MBTD1: variants seen among roughly 807,000 people sequenced by gnomAD.
The protein encoded by MBTD1 is mbt domain containing 1, also known as MBT domain-containing protein 1.
MBTD1 carries 24 observed loss-of-function variants against 87.8 expected under a neutral mutation model. That is an observed-to-expected ratio of 0.27 (90% confidence interval 0.20 to 0.38). The LOEUF (loss-of-function observed/expected upper bound fraction) is 0.38. Ranked by LOEUF, MBTD1 falls within the 10% of genes least tolerant of loss-of-function variation. The pLI is 1.00. For missense variants in MBTD1, 436 were observed against 760.2 expected (o/e 0.57, Z 5.02); for synonymous variants, 237 against 248.6 (o/e 0.95, Z 0.44).
At chr17:51,188,130 T>G (rs2050631445) in intron 16 of MBTD1, among the ~76,000 whole-genome samples, 3 of 152,146 alleles carry the variant, frequency 2.0e-5, no homozygotes, top group Non-Finnish European at 2.9e-5. Context: ...TACCACATAC[T>G]CACAGATAAA....
chr17:51,260,549 C>G (rs749591824), upstream of MBTD1: 1 of 1,589,250 alleles, frequency 6.3e-7, no homozygotes, highest in African/African-American at 1.4e-5. Context: ...CAGCGAGGTT[C>G]CACGTGAGCG....
intron 16 of MBTD1, chr17:51,191,834 GC>G: frequency 5.3e-6 from 1 of 187,132 alleles, no homozygotes; most frequent in South Asian, 9.6e-5. Context: ...GCCAGCCTCG[GC>G]CTCCTAAAGT....
intron 2 of MBTD1, among the ~76,000 whole-genome samples, chr17:51,246,564 A>G (rs1302693112): frequency 6.6e-6 from 1 of 152,084 alleles, no homozygotes; most frequent in East Asian, 1.9e-4. Flanking sequence ...TTTGTCACTG[A>G]TTTTTCTAAG....
In MBTD1 at chr17:51,259,882, G is replaced by A; in HGVS notation, c.-160C>T. The A allele has an allele frequency of 2.4e-6, 3 of 1,231,994 alleles. No individual in the cohort carries two copies. Among genetic ancestry groups the A allele is most frequent in the Middle Eastern group, 3.1e-4 (1 of 3,210 alleles). The allele number at this position is 1,231,994 out of a possible 1,614,324, so 76.3% of individuals were successfully genotyped here. A position where few individuals can be genotyped will look rare whatever the true frequency, so the allele number is the denominator to read the frequency against. On this transcript the variant is annotated 5_prime_UTR_variant, in exon 1 of 17. In the 5' UTR this introduces an upstream ATG that the reference lacks. Transcript: ENST00000586178. ...AGGGCCTCATGGGTAGGGGTTGTCC[G>A]TGCTCCCCGAGCCCGCGGCGCCCCC...
intron 6 of MBTD1, among the ~76,000 whole-genome samples, chr17:51,212,996 G>A (rs2052342110): frequency 6.6e-6 from 1 of 152,110 alleles, no homozygotes; most frequent in Non-Finnish European, 1.5e-5. Flanking sequence ...CCAAAGTGCT[G>A]GGATTACAGG....
chr17:51,225,315 A>G, intron 2 of MBTD1, 106 bp from the exon 3 acceptor site: 1 of 508,260 alleles, frequency 2.0e-6, no homozygotes. Context: ...ATGAAAACGC[A>G]GCCCTGAGAA....
chr17:51,193,301 T>C, intron 14 of MBTD1, 127 bp downstream of exon 14: 2 of 648,890 alleles, frequency 3.1e-6, no homozygotes, highest in African/African-American at 3.7e-5. Flanking sequence ...GTTTCATTGC[T>C]ATATTTGTTT....
intron 2 of MBTD1, among the ~76,000 whole-genome samples, chr17:51,239,807 C>G (rs992677530): frequency 7.9e-5 from 12 of 152,152 alleles, no homozygotes; most frequent in Non-Finnish European, 1.3e-4. Context: ...TTGCCTTATC[C>G]TTCAATGTGC....
intron 2 of MBTD1, among the ~76,000 whole-genome samples, chr17:51,236,214 C>T (rs2053829515): frequency 1.3e-5 from 2 of 151,988 alleles, no homozygotes; most frequent in Non-Finnish European, 2.9e-5. Context: ...TTTGTTCACA[C>T]TGCTTTGTTC....
At chr17:51,250,822 G>T (rs1247413472) in intron 2 of MBTD1, 1 of 152,074 alleles carries the variant, frequency 6.6e-6, no homozygotes, top group Non-Finnish European at 1.5e-5. Flanking sequence ...GTAGACTTTG[G>T]ATCCATCTCC....
At chr17:51,195,495 G>A (rs2051046980) in intron 12 of MBTD1, 134 bp from the exon 13 acceptor site, 3 of 604,514 alleles carry the variant, frequency 5.0e-6, no homozygotes, top group Non-Finnish European at 8.1e-6. Context: ...TCTCTATTGA[G>A]TTATGTTAAA....
At chr17:51,222,404 T>C (rs747202831) in intron 3 of MBTD1, among the ~76,000 whole-genome samples, 7 of 150,702 alleles carry the variant, frequency 4.6e-5, no homozygotes, top group Non-Finnish European at 8.8e-5. Context: ...TTTTTTGTTT[T>C]GTTTTGTTTG....
intron 2 of MBTD1, among the ~76,000 whole-genome samples, chr17:51,242,089 C>G (rs1288981232): frequency 3.3e-5 from 5 of 152,204 alleles, no homozygotes; most frequent in African/African-American, 9.7e-5. Flanking sequence ...TTTCTCCTAA[C>G]AGCCTTGGTA....
At chr17:51,220,286 C>T (rs1301915851) in intron 4 of MBTD1, 44 bp downstream of exon 4, 1 of 1,503,896 alleles carries the variant, frequency 6.6e-7, no homozygotes, top group East Asian at 2.5e-5. Context: ...TGGCAAAAGC[C>T]ATAGAAATAA....
At chr17:51,231,699 C>G (rs1345596703) in intron 2 of MBTD1, among the ~76,000 whole-genome samples, 1 of 152,126 alleles carries the variant, frequency 6.6e-6, no homozygotes, top group Non-Finnish European at 1.5e-5. Context: ...AGCCTAAGGC[C>G]TCTGACTGTC....
chr17:51,203,919 T>C lies in MBTD1; in HGVS notation c.611A>G (p.Asn204Ser). Residue 204 changes from asparagine to serine, a missense_variant, in exon 8 of 17, where the codon AAT becomes AGT. Physicochemically the swap from Asn to Ser is conservative, Grantham distance 46 (BLOSUM62 1). Coordinates refer to ENST00000586178, the MANE Select transcript of MBTD1 (RefSeq NM_017643.3). ...AAATCCTTCATATCTTAAAAGGGCA[T>C]TGTAACCTGAAACCCAGAAATAAAT... ...IAGIVKLAGY[N>S]ALLRYEGFEN... 4 of 1,599,038 alleles carry C rather than the reference T, an allele frequency of 2.5e-6. No individual in the cohort carries two copies. The highest frequency in any genetic ancestry group is 2.2e-5 in the East Asian group (1 of 44,794).
rs138751575 is a variant in MBTD1, at chr17:51,203,850, G to A, written c.680C>T (p.Ser227Phe). Reference sequence around the variant, plus strand: ...ACACCAACCAACTGGATGGATATCAGAACCACATATATTGCACCAGAAGTC... The same window carrying A: ...ACACCAACCAACTGGATGGATATCAAAACCACATATATTGCACCAGAAGTC... ...GLDFWCNICGSDIHPVGWCAA... is the reference protein window; with the variant it reads ...GLDFWCNICGFDIHPVGWCAA... Residue 227 changes from serine to phenylalanine, a missense_variant, in exon 8 of 17, where the codon TCT becomes TTT. Coordinates refer to ENST00000586178, the MANE Select transcript of MBTD1 (RefSeq NM_017643.3). The A allele has an allele frequency of 1.2e-5, 19 of 1,613,580 alleles. No individual in the cohort carries two copies. Among genetic ancestry groups the A allele is most frequent in the Non-Finnish European group, 1.4e-5 (17 of 1,179,768 alleles).
upstream of MBTD1, chr17:51,260,925 G>T: frequency 6.4e-6 from 10 of 1,554,174 alleles, no homozygotes; most frequent in Non-Finnish European, 8.7e-6. Context: ...CGAGGCCCGA[G>T]GGTGAGGGAG....
chr17:51,226,921 G>A (rs940258670), intron 2 of MBTD1, among the ~76,000 whole-genome samples: 2 of 147,072 alleles, frequency 1.4e-5, no homozygotes, highest in South Asian at 5.0e-4. Context: ...GTGAGGCACC[G>A]CACCCAGCCA....
Sources: allele counts gnomAD v4.1 joint callset (sites outside exome capture counted in the v4.1 genomes callset), GRCh38; gene constraint gnomAD v4.1.1; transcripts MANE v1.5; gene names NCBI Gene and HGNC (gene_info 2026-07-23, HGNC 2026-07-21).